FARP2: variants seen among roughly 807,000 people sequenced by gnomAD.
The protein encoded by FARP2 is FERM, ARHGEF and pleckstrin domain-containing protein 2.
A neutral mutation model predicts 130.5 loss-of-function variants in FARP2; 111 were observed. The observed-to-expected ratio is 0.85, with a 90% confidence interval of 0.73 to 1.00. FARP2 has a LOEUF of 1.00. Among genes scored for constraint, FARP2 ranks in the 50% least tolerant of loss-of-function variants. The pLI, the probability that FARP2 is intolerant of heterozygous loss-of-function variation, is 0.00. For missense variants in FARP2, 1,385 were observed against 1,346.3 expected (o/e 1.03, Z -0.45); for synonymous variants, 504 against 516.9 (o/e 0.98, Z 0.34).
rs555418815 is a variant in FARP2 at position 241,390,380 on chromosome 2, T to C, written c.184-13448T>C. Among the ~76,000 whole-genome samples the C allele has an allele frequency of 4.2e-4, 64 of 152,358 alleles. No homozygotes were observed. The South Asian group carries it at 0.013, about 31-fold the overall frequency. On this transcript the variant is annotated intron_variant, in intron 2 of 26. Coordinates refer to ENST00000264042, the MANE Select transcript of FARP2 (RefSeq NM_014808.4). ...CATCTTCTGGATTATCATACCCCAG[T>C]GTCTGCTACAGCCCCTCTCCTAGGT...
At chr2:241,406,173 TG>T in intron 4 of FARP2, among the ~76,000 whole-genome samples, 1 of 149,964 alleles carries the variant, frequency 6.7e-6, no homozygotes, top group Non-Finnish European at 1.5e-5. Flanking sequence ...AGGGGCATGG[TG>T]GGGGGCGCCT....
At chr2:241,434,020 G>A (rs775398087) in intron 9 of FARP2, 138 bp from the exon 10 acceptor site, 2 of 674,380 alleles carry the variant, frequency 3.0e-6, no homozygotes, top group Non-Finnish European at 5.0e-6. Context: ...TGGGCACAGA[G>A]CAAGATCCTG....
At chr2:241,398,572 C>CTTT (rs35797376) in intron 2 of FARP2, among the ~76,000 whole-genome samples, 1 of 139,350 alleles carries the variant, frequency 7.2e-6, no homozygotes, top group Non-Finnish European at 1.6e-5. Flanking sequence ...TGTGAACATT[C>CTTT]TTTTTTTTTT....
At chr2:241,369,436 C>T (rs182530415) in intron 1 of FARP2, among the ~76,000 whole-genome samples, 5 of 152,214 alleles carry the variant, frequency 3.3e-5, no homozygotes, top group Non-Finnish European at 4.4e-5. Flanking sequence ...CCCTCTCTCC[C>T]ATCAAGAAGG....
intron 2 of FARP2, among the ~76,000 whole-genome samples, chr2:241,378,455 A>G (rs945434563): frequency 8.0e-6 from 1 of 124,592 alleles, no homozygotes; most frequent in Non-Finnish European, 1.6e-5. Context: ...TCTGTCACCC[A>G]GACTGGAGTG....
chr2:241,373,078 T>A lies in FARP2; in HGVS notation c.-24-6T>A. The A allele has an allele frequency of 6.2e-6, 7 of 1,126,622 alleles. No homozygotes were observed. Among genetic ancestry groups the A allele is most frequent in the Non-Finnish European group, 8.3e-6 (7 of 843,548 alleles). The allele number at this position is 1,126,622 out of a possible 1,614,324, so 69.8% of individuals were successfully genotyped here. On this transcript the variant is annotated splice_polypyrimidine_tract_variant and splice_region_variant and intron_variant, in intron 1 of 26. Transcript: ENST00000264042. The stretch of plus-strand genomic sequence containing the variant: ...CTTCATGTGGTTTTTTTTTTTTTCA[T>A]TTTAGTGTTTTCTTCACTCATGGTG...
intron 6 of FARP2, 112 bp downstream of exon 6, chr2:241,411,242 T>C (rs1229450252): frequency 9.9e-6 from 7 of 704,328 alleles, no homozygotes; most frequent in Admixed American, 7.2e-5. Context: ...AGCCTGACCA[T>C]AGAATGAGGT....
chr2:241,441,074 G>GA (rs150050953), intron 12 of FARP2, among the ~76,000 whole-genome samples: 5,056 of 152,048 alleles, frequency 0.033, 505 homozygotes, highest in Admixed American at 0.19. Flanking sequence ...TGTCATAAGA[G>GA]AAAAAAATGG....
chr2:241,455,601 C>CT (rs745802874), intron 13 of FARP2, among the ~76,000 whole-genome samples: 3 of 151,344 alleles, frequency 2.0e-5, no homozygotes, highest in African/African-American at 7.3e-5. Context: ...AGGCTGGTCT[C>CT]TAACTCCTGA....
chr2:241,394,895 C>A (rs1250950633), intron 2 of FARP2, among the ~76,000 whole-genome samples: 1 of 152,194 alleles, frequency 6.6e-6, no homozygotes, highest in African/African-American at 2.4e-5. Flanking sequence ...ACCCTACTCC[C>A]TACTCAGGAG....
intron 4 of FARP2, 130 bp from the exon 5 acceptor site, chr2:241,407,407 T>C: frequency 1.4e-6 from 1 of 694,022 alleles, no homozygotes; most frequent in Non-Finnish European, 2.5e-6. Context: ...TTTCTTAATA[T>C]CATATTATTT....
At chr2:241,414,465 C>T (rs1200634588) in intron 7 of FARP2, among the ~76,000 whole-genome samples, 1 of 152,202 alleles carries the variant, frequency 6.6e-6, no homozygotes, top group African/African-American at 2.4e-5. Context: ...CGTTAAGGCT[C>T]TACCGGGACC....
chr2:241,441,199 A>G, intron 12 of FARP2, 105 bp from the exon 13 acceptor site: 1 of 997,202 alleles, frequency 1.0e-6, no homozygotes, highest in Non-Finnish European at 1.5e-6. Flanking sequence ...GAAAGCTGTG[A>G]TAGAAATGTG....
intron 4 of FARP2, 130 bp downstream of exon 4, chr2:241,404,971 G>T: frequency 1.6e-6 from 1 of 606,668 alleles, no homozygotes. Context: ...ACCAATAGCG[G>T]ACAAACTTGG....
chr2:241,445,620 G>C (rs945127874), intron 13 of FARP2: 15 of 152,246 alleles, frequency 9.9e-5, no homozygotes, highest in African/African-American at 3.1e-4. Context: ...CCAGTGTTGG[G>C]TAGTGCACAG....
At chr2:241,373,398 A>G in intron 2 of FARP2, 108 bp downstream of exon 2, 1 of 680,830 alleles carries the variant, frequency 1.5e-6, no homozygotes, top group Non-Finnish European at 2.1e-6. Flanking sequence ...GTTGATCAAG[A>G]GTAGCTTTGG....
At chr2:241,392,278 C>T (rs1294295904) in intron 2 of FARP2, among the ~76,000 whole-genome samples, 4 of 152,196 alleles carry the variant, frequency 2.6e-5, no homozygotes, top group African/African-American at 9.7e-5. Flanking sequence ...TGTTGTATCT[C>T]CCCAGAGCCC....
At chr2:241,409,038 T>TGATTGATAGATA (rs150148072) in intron 5 of FARP2, among the ~76,000 whole-genome samples, 3 of 146,048 alleles carry the variant, frequency 2.1e-5, no homozygotes, top group East Asian at 2.0e-4. Flanking sequence ...GATAGATAGA[T>TGATTGATAGATA]GATAGATAGA....
chr2:241,462,400 G>A (rs1365791427), intron 14 of FARP2, 123 bp from the exon 15 acceptor site: 1 of 619,542 alleles, frequency 1.6e-6, no homozygotes, highest in African/African-American at 1.8e-5. Flanking sequence ...AGTTGAAGGT[G>A]AAAACCCCAT....
Sources: allele counts gnomAD v4.1 joint callset (sites outside exome capture counted in the v4.1 genomes callset), GRCh38; gene constraint gnomAD v4.1.1; transcripts MANE v1.5; gene names NCBI Gene and HGNC (gene_info 2026-07-23, HGNC 2026-07-21).